Variants in SNTG1 observed in about 807,000 individuals in gnomAD.
SNTG1 encodes the protein gamma-1-syntrophin.
A neutral mutation model predicts 74.7 loss-of-function variants in SNTG1; 39 were observed. The ratio of observed to expected loss-of-function variants is 0.52; its 90% CI spans 0.40 to 0.68. The LOEUF (loss-of-function observed/expected upper bound fraction) is 0.68, where lower values mean the gene tolerates loss of function less well. SNTG1 is among the 30% of genes least tolerant of loss of function. The probability of loss-of-function intolerance (pLI) is 0.00; values close to 1 mark genes in which losing one functional copy is unlikely to be tolerated. For synonymous variants in SNTG1, 254 were observed against 217.1 expected, an observed-to-expected ratio of 1.17 and a Z score of -1.49; for missense variants, 685 against 609.5, an observed-to-expected ratio of 1.12 and a Z score of -1.30.
chr8:50,687,447 T>C (rs893169317), intron 15 of SNTG1, among the ~76,000 whole-genome samples: 1 of 152,166 alleles, frequency 6.6e-6, no homozygotes, highest in Non-Finnish European at 1.5e-5. Context: ...GAAAAAGACA[T>C]TTCATGCAAA....
chr8:50,337,078 C>T (rs1337843708), intron 2 of SNTG1, among the ~76,000 whole-genome samples: 1 of 152,138 alleles, frequency 6.6e-6, no homozygotes. Flanking sequence ...TGCATTGCAT[C>T]AGATTAGAAA....
chr8:50,602,899 A>ATT (rs60612544), intron 13 of SNTG1, among the ~76,000 whole-genome samples: 5,367 of 112,606 alleles, frequency 0.048, 391 homozygotes, highest in African/African-American at 0.16. Flanking sequence ...ACTGTAAGGT[A>ATT]TTTTTTTTTT....
At chr8:50,105,841 T>C (rs62515425) in intron 1 of SNTG1, among the ~76,000 whole-genome samples, 4,326 of 152,214 alleles carry the variant, frequency 0.028, 125 homozygotes, top group Non-Finnish European at 0.035. Flanking sequence ...TGGACATTAC[T>C]GGCATATAGA....
At chr8:50,074,511 G>T (rs1343704115) in intron 1 of SNTG1, among the ~76,000 whole-genome samples, 1 of 152,180 alleles carries the variant, frequency 6.6e-6, no homozygotes, top group Admixed American at 6.5e-5. Flanking sequence ...TAGAGAAACA[G>T]CTAGTTGTTG....
intron 1 of SNTG1, among the ~76,000 whole-genome samples, chr8:50,131,773 T>A (rs554009716): frequency 6.6e-6 from 1 of 152,198 alleles, no homozygotes; most frequent in African/African-American, 2.4e-5. Flanking sequence ...TCTGTTTAAT[T>A]TAAATGATTG....
intron 1 of SNTG1, among the ~76,000 whole-genome samples, chr8:49,953,864 C>G (rs976236615): frequency 5.3e-5 from 8 of 152,182 alleles, no homozygotes; most frequent in Non-Finnish European, 1.2e-4. Context: ...TATTTCAGCT[C>G]TGCAGAGGCA....
At chr8:50,316,761 C>A (rs1282304416) in intron 2 of SNTG1, among the ~76,000 whole-genome samples, 1 of 152,058 alleles carries the variant, frequency 6.6e-6, no homozygotes. Flanking sequence ...ACAATGAGAA[C>A]TTGTAAACAC....
intron 8 of SNTG1, among the ~76,000 whole-genome samples, chr8:50,464,550 A>G (rs1182390866): frequency 2.0e-5 from 3 of 152,152 alleles, no homozygotes; most frequent in Non-Finnish European, 2.9e-5. Flanking sequence ...ACATTTATCA[A>G]TTAAGTTTGC....
At chr8:50,660,763 G>A (rs2131292259) in intron 15 of SNTG1, among the ~76,000 whole-genome samples, 1 of 152,100 alleles carries the variant, frequency 6.6e-6, no homozygotes, top group African/African-American at 2.4e-5. Flanking sequence ...AGTTAAAAAG[G>A]ATAATTTTAA....
chr8:50,326,589 T>A (rs985910146), intron 2 of SNTG1, among the ~76,000 whole-genome samples: 18 of 151,662 alleles, frequency 1.2e-4, no homozygotes, highest in Non-Finnish European at 3.0e-5. Flanking sequence ...TCTTTTTTTT[T>A]ATTCCTAGTT....
intron 18 of SNTG1, among the ~76,000 whole-genome samples, chr8:50,768,757 C>T (rs909846591): frequency 6.6e-6 from 1 of 152,026 alleles, no homozygotes; most frequent in Non-Finnish European, 1.5e-5. Flanking sequence ...AGAGCATCTG[C>T]TTAATAGCAC....
chr8:50,280,182 G>A (rs529930764), intron 2 of SNTG1, among the ~76,000 whole-genome samples: 3 of 152,156 alleles, frequency 2.0e-5, no homozygotes, highest in South Asian at 2.1e-4. Flanking sequence ...TGAAAATTCT[G>A]CCAGAAGTTT....
At chr8:50,304,068 T>C (rs899987099) in intron 2 of SNTG1, among the ~76,000 whole-genome samples, 1 of 152,186 alleles carries the variant, frequency 6.6e-6, no homozygotes, top group African/African-American at 2.4e-5. Context: ...TTAATTACCA[T>C]ATGATGGAAT....
rs71233486 is a variant in SNTG1, at chr8:50,335,817, A to ATTATTTTATTTTATTTTATTTTATT, written c.-27-58373_-27-58349dup. On this transcript the variant is annotated intron_variant, in intron 2 of 18. Coordinates refer to ENST00000642720, the MANE Select transcript of SNTG1 (RefSeq NM_018967.5). The stretch of plus-strand genomic sequence containing the variant: ...TGCCAATTCTATGCTTTTATGTTTT[A>ATTATTTTATTTTATTTTATTTTATT]TTATTTTATTTTATTTTATTTTATT... 2.7e-3 allele frequency among the ~76,000 whole-genome samples: 375 copies of ATTATTTTATTTTATTTTATTTTATT among 141,446 alleles called. 3 individuals are homozygous for ATTATTTTATTTTATTTTATTTTATT. The highest frequency in any genetic ancestry group is 4.2e-3 in the Non-Finnish European group (276 of 64,962). 92.8% of individuals were successfully genotyped at this position (141,446 alleles called of 152,430 possible).
chr8:50,439,180 G>A (rs142178158), intron 5 of SNTG1, among the ~76,000 whole-genome samples: 21 of 152,094 alleles, frequency 1.4e-4, no homozygotes, highest in African/African-American at 5.1e-4. Flanking sequence ...TATTAGAGAT[G>A]TACCATATCT....
At chr8:50,783,453 G>A (rs1252850839) in intron 18 of SNTG1, among the ~76,000 whole-genome samples, 1 of 152,212 alleles carries the variant, frequency 6.6e-6, no homozygotes, top group Non-Finnish European at 1.5e-5. Context: ...ATCTCAGACT[G>A]CTGTGCTAGC....
chr8:50,771,817 A>G (rs1187049947), intron 18 of SNTG1, among the ~76,000 whole-genome samples: 2 of 152,056 alleles, frequency 1.3e-5, no homozygotes. Flanking sequence ...CTCCACATCA[A>G]GAGCAGCCAT....
rs144738980 is a variant in SNTG1 at position 50,685,669 on chromosome 8, A to G, written c.1039-18931A>G. ...GAAAATATTATTATTAACAGGAACA[A>G]TAAATACATATCTATAGAGATCAGT... On this transcript the variant is annotated intron_variant, in intron 15 of 18. Coordinates refer to ENST00000642720, the MANE Select transcript of SNTG1 (RefSeq NM_018967.5). Among the ~76,000 whole-genome samples the G allele has an allele frequency of 3.8e-3, 586 of 152,294 alleles. 5 individuals are homozygous for G. Among genetic ancestry groups the G allele is most frequent in the African/African-American group, 0.011 (473 of 41,564 alleles).
At chr8:50,541,979 T>C (rs1221297518) in intron 11 of SNTG1, among the ~76,000 whole-genome samples, 3 of 151,382 alleles carry the variant, frequency 2.0e-5, no homozygotes, top group Admixed American at 6.6e-5. Flanking sequence ...TCCATCCATG[T>C]TGCTGCAAAT....
Sources: allele counts gnomAD v4.1 joint callset (sites outside exome capture counted in the v4.1 genomes callset), GRCh38; gene constraint gnomAD v4.1.1; transcripts MANE v1.5; gene names NCBI Gene and HGNC (gene_info 2026-07-23, HGNC 2026-07-21).